Variants in SCAF8 observed in about 807,000 individuals in gnomAD.
SCAF8 encodes SR-related and CTD-associated factor 8.
A neutral mutation model predicts 140.5 loss-of-function variants in SCAF8; 23 were observed. That is an observed-to-expected ratio of 0.16 (90% CI 0.12 to 0.23). The LOEUF (loss-of-function observed/expected upper bound fraction) is 0.23. Among genes scored for constraint, SCAF8 ranks in the 10% least tolerant of loss-of-function variants. The probability of loss-of-function intolerance (pLI) is 1.00; values close to 1 mark genes in which losing one functional copy is unlikely to be tolerated. For synonymous variants in SCAF8, 575 were observed against 528.9 expected (o/e 1.09, Z -1.20); for missense variants, 1,397 against 1,555.7 (o/e 0.90, Z 1.72).
chr6:154,736,609 G>C (rs1363453126), intron 1 of SCAF8, among the ~76,000 whole-genome samples: 1 of 152,096 alleles, frequency 6.6e-6, no homozygotes. Context: ...CCAAATATTA[G>C]ATGTAAACAA....
Position 154,793,457 on chromosome 6 carries a change from TTTTTTCATAA to T in SCAF8, c.475+487_475+496del, listed in dbSNP as rs1299288224. ...TTTTTTGAAATTTTTATGAAAAAAT[TTTTTTCATAA>T]TTTTTTCATAATTTTTTAAATAATT... On this transcript the variant is annotated intron_variant, in intron 5 of 19. Transcript: ENST00000367178. Among the ~76,000 whole-genome samples, 15 of 151,832 alleles carry T rather than the reference TTTTTTCATAA, an allele frequency of 9.9e-5. No individual in the cohort carries two copies. In the East Asian group the frequency reaches 1.5e-3, roughly 16 times the overall value.
At chr6:154,816,639 G>A (rs1248934059) in intron 13 of SCAF8, among the ~76,000 whole-genome samples, 11 of 152,230 alleles carry the variant, frequency 7.2e-5, no homozygotes, top group South Asian at 2.1e-4. Flanking sequence ...TTCATCAGGC[G>A]TCTGATTTCA....
chr6:154,826,036 A>G (rs1207617395), intron 17 of SCAF8, among the ~76,000 whole-genome samples: 1 of 152,130 alleles, frequency 6.6e-6, no homozygotes, highest in Non-Finnish European at 1.5e-5. Flanking sequence ...GACTTCTGTA[A>G]CTTAAGTTCT....
chr6:154,815,916 T>A, intron 13 of SCAF8, 100 bp downstream of exon 13: 1 of 602,866 alleles, frequency 1.7e-6, no homozygotes, highest in Non-Finnish European at 3.0e-6. Context: ...ATGTCTGCCT[T>A]AAATAATACA....
chr6:154,827,836 G>C (rs1468694271), intron 18 of SCAF8, among the ~76,000 whole-genome samples: 5 of 100,408 alleles, frequency 5.0e-5, no homozygotes, highest in Admixed American at 3.9e-4. Context: ...GGGCGGGGCG[G>C]GGGGGGGGGC....
At chr6:154,736,357 A>G (rs529929591) in intron 1 of SCAF8, among the ~76,000 whole-genome samples, 71 of 136,630 alleles carry the variant, frequency 5.2e-4, no homozygotes, top group Non-Finnish European at 8.6e-4. Flanking sequence ...TGCAACCTCC[A>G]CCTCCTGGGT....
intron 3 of SCAF8, among the ~76,000 whole-genome samples, chr6:154,785,978 C>T (rs1027690469): frequency 9.2e-5 from 14 of 152,100 alleles, no homozygotes; most frequent in African/African-American, 1.9e-4. Flanking sequence ...GTAAAAATAC[C>T]GTATGCCATT....
chr6:154,809,442 C>G (rs1247022750), intron 11 of SCAF8, among the ~76,000 whole-genome samples: 1 of 152,046 alleles, frequency 6.6e-6, no homozygotes, highest in Non-Finnish European at 1.5e-5. Context: ...TTCTCTAAAC[C>G]CACCGCGTAT....
intron 1 of SCAF8, among the ~76,000 whole-genome samples, chr6:154,740,625 C>CTTTTTCTT (rs1554256677): frequency 1.4e-5 from 2 of 138,524 alleles, no homozygotes; most frequent in African/African-American, 5.4e-5. Flanking sequence ...TTTTCTTTTT[C>CTTTTTCTT]TTTTTTTTTT....
intron 4 of SCAF8, among the ~76,000 whole-genome samples, chr6:154,790,442 T>C (rs573211093): frequency 6.6e-6 from 1 of 151,472 alleles, no homozygotes; most frequent in African/African-American, 2.4e-5. Flanking sequence ...CAGATCTTTA[T>C]TCTGAAAATT....
At chr6:154,794,780 G>GTGT (rs1777544722) in intron 5 of SCAF8, among the ~76,000 whole-genome samples, 16 of 12,532 alleles carry the variant, frequency 1.3e-3, no homozygotes, top group African/African-American at 3.5e-3. Context: ...GGGTGTGGGG[G>GTGT]GTGTGTGTGT....
At chr6:154,754,045 T>C (rs1473789178) in intron 1 of SCAF8, among the ~76,000 whole-genome samples, 4 of 152,196 alleles carry the variant, frequency 2.6e-5, no homozygotes, top group South Asian at 2.1e-4. Context: ...CCAAACAGTA[T>C]GTGTCTTAGC....
At chr6:154,807,356 A>T (rs1008747063) in intron 9 of SCAF8, among the ~76,000 whole-genome samples, 1 of 152,242 alleles carries the variant, frequency 6.6e-6, no homozygotes, top group Non-Finnish European at 1.5e-5. Flanking sequence ...TTGTTCAAAA[A>T]TGAATCTAAT....
At chr6:154,758,555 G>A (rs961328746) in intron 1 of SCAF8, among the ~76,000 whole-genome samples, 1 of 152,158 alleles carries the variant, frequency 6.6e-6, no homozygotes, top group African/African-American at 2.4e-5. Flanking sequence ...AAAACTAGGG[G>A]ATCCTCTTCT....
rs775621414 is a variant in SCAF8 at position 154,808,762 on chromosome 6, G to A, written c.1190G>A (p.Arg397His). 3.1e-6 allele frequency: 5 copies of A among 1,613,468 alleles called. No homozygotes were observed. The highest frequency in any genetic ancestry group is 2.2e-5 in the East Asian group (1 of 44,846). The change falls in exon 11 of 20, where the codon CGC becomes CAC. Residue 397 changes from arginine (R) to histidine (H), a missense_variant. Coordinates refer to ENST00000367178, the MANE Select transcript of SCAF8 (RefSeq NM_014892.5). ...CAAGAAGCTAAGAAAGTGGCGGTTCGCTCAAGATCAAGAACACATTCACGA... is the reference window on the plus strand; with the variant it reads ...CAAGAAGCTAAGAAAGTGGCGGTTCACTCAAGATCAAGAACACATTCACGA... ...FEQEAKKVAV[R>H]SRSRTHSRSR...
chr6:154,793,838 A>AAG (rs1554261617), intron 5 of SCAF8, among the ~76,000 whole-genome samples: 36 of 149,712 alleles, frequency 2.4e-4, no homozygotes, highest in Admixed American at 3.3e-4. Flanking sequence ...AAAAAAAAAA[A>AAG]ATTTTTTTAA....
chr6:154,813,733 A>G (rs1778162082), intron 12 of SCAF8, among the ~76,000 whole-genome samples: 1 of 152,200 alleles, frequency 6.6e-6, no homozygotes, highest in South Asian at 2.1e-4. Context: ...AACCTGGATT[A>G]TCCAGAAGGC....
At chr6:154,803,212 C>T (rs980154410) in intron 7 of SCAF8, among the ~76,000 whole-genome samples, 8 of 151,992 alleles carry the variant, frequency 5.3e-5, no homozygotes, top group Non-Finnish European at 1.2e-4. Flanking sequence ...GGAATAGATC[C>T]ATTGAATATG....
At chr6:154,810,739 G>T (rs1290498436) in intron 12 of SCAF8, among the ~76,000 whole-genome samples, 3 of 152,072 alleles carry the variant, frequency 2.0e-5, no homozygotes, top group African/African-American at 7.2e-5. Context: ...CAGGTGTGGG[G>T]AGGGTTCACT....
Sources: gnomAD v4.1 joint callset for allele counts (sites outside exome capture counted in the v4.1 genomes callset) on GRCh38, gnomAD v4.1.1 for gene constraint, MANE v1.5 for transcripts, NCBI Gene and HGNC (gene_info 2026-07-23, HGNC 2026-07-21) for gene names.